Variants in DLGAP2 observed in about 807,000 individuals in gnomAD.
DLGAP2 encodes disks large-associated protein 2.
DLGAP2 carries 26 observed loss-of-function variants against 100.3 expected under a neutral mutation model. That is an observed-to-expected ratio of 0.26 (90% CI 0.19 to 0.36). The LOEUF (loss-of-function observed/expected upper bound fraction) is 0.36, where lower values mean the gene tolerates loss of function less well. Among genes scored for constraint, DLGAP2 ranks in the 10% least tolerant of loss-of-function variants. The probability of loss-of-function intolerance (pLI) is 1.00; values close to 1 mark genes in which losing one functional copy is unlikely to be tolerated. For synonymous variants in DLGAP2, 886 were observed against 630.1 expected, an observed-to-expected ratio of 1.41 and a Z score of -6.08; for missense variants, 1,858 against 1,453.2, an observed-to-expected ratio of 1.28 and a Z score of -4.53.
At chr8:1,224,827 A>T (rs1167855237) in intron 2 of DLGAP2, among the ~76,000 whole-genome samples, 1 of 152,232 alleles carries the variant, frequency 6.6e-6, no homozygotes, top group African/African-American at 2.4e-5. Context: ...CAAGCACGTG[A>T]TAAGATGCTT....
chr8:936,785 C>T (rs1476234070), intron 2 of DLGAP2, among the ~76,000 whole-genome samples: 2 of 152,078 alleles, frequency 1.3e-5, no homozygotes, highest in African/African-American at 4.8e-5. Context: ...TGCAGATGCC[C>T]GGGAAGTTGG....
At chr8:1,287,119 G>C (rs1284814407) in intron 3 of DLGAP2, among the ~76,000 whole-genome samples, 1 of 149,366 alleles carries the variant, frequency 6.7e-6, no homozygotes. Flanking sequence ...AGGGGAACTA[G>C]TTTCGGTTCA....
chr8:1,477,482 T>G (rs1325617636), intron 3 of DLGAP2, among the ~76,000 whole-genome samples: 2 of 152,168 alleles, frequency 1.3e-5, no homozygotes, highest in African/African-American at 2.4e-5. Flanking sequence ...GGCCTTAACT[T>G]TGAGGAACCT....
At chr8:1,051,271 C>G (rs1802701832) in intron 2 of DLGAP2, among the ~76,000 whole-genome samples, 1 of 152,132 alleles carries the variant, frequency 6.6e-6, no homozygotes, top group Non-Finnish European at 1.5e-5. Flanking sequence ...AACCCAGGCT[C>G]TCTGGATGGA....
At chr8:919,004 G>A (rs961737862) in intron 2 of DLGAP2, among the ~76,000 whole-genome samples, 4 of 152,160 alleles carry the variant, frequency 2.6e-5, no homozygotes, top group East Asian at 1.9e-4. Flanking sequence ...GCAGTGGTGC[G>A]ATCAGAACTC....
chr8:1,417,378 G>A (rs1224688246), intron 3 of DLGAP2, among the ~76,000 whole-genome samples: 1 of 152,194 alleles, frequency 6.6e-6, no homozygotes, highest in Non-Finnish European at 1.5e-5. Context: ...CACTGTCACT[G>A]CTTTTATCCT....
At chr8:1,641,567 T>C (rs1797899579) in intron 8 of DLGAP2, among the ~76,000 whole-genome samples, 2 of 152,176 alleles carry the variant, frequency 1.3e-5, no homozygotes, top group African/African-American at 4.8e-5. Flanking sequence ...GCTCTTGCAG[T>C]TGACAACGAT....
intron 6 of DLGAP2, among the ~76,000 whole-genome samples, chr8:1,598,672 C>G (rs1194225153): frequency 6.6e-6 from 1 of 152,120 alleles, no homozygotes; most frequent in Admixed American, 6.5e-5. Context: ...ATAGTGTTCT[C>G]TGATTGTAGT....
At chr8:1,235,266 C>G (rs1329085714) in intron 2 of DLGAP2, among the ~76,000 whole-genome samples, 1 of 147,392 alleles carries the variant, frequency 6.8e-6, no homozygotes, top group Non-Finnish European at 1.5e-5. Context: ...GTGTCTAGTT[C>G]TCTCTCACAT....
At chr8:1,481,597 G>C (rs906223864) in intron 3 of DLGAP2, among the ~76,000 whole-genome samples, 3 of 145,852 alleles carry the variant, frequency 2.1e-5, no homozygotes, top group African/African-American at 7.6e-5. Context: ...TACTGCCTCA[G>C]CCTCCTGAAT....
intron 1 of DLGAP2, among the ~76,000 whole-genome samples, chr8:814,742 A>T (rs1186846450): frequency 6.7e-6 from 1 of 150,216 alleles, no homozygotes; most frequent in African/African-American, 2.5e-5. Context: ...AGTCCCAGCT[A>T]CTCGGGAGGC....
chr8:1,372,285 C>G (rs1236153869), intron 3 of DLGAP2, among the ~76,000 whole-genome samples: 2 of 152,098 alleles, frequency 1.3e-5, no homozygotes, highest in Middle Eastern at 6.8e-3. Flanking sequence ...GGACGCTGGT[C>G]ACCGTGCTGC....
At chr8:781,610 G>A (rs758587826) in intron 1 of DLGAP2, among the ~76,000 whole-genome samples, 7 of 152,158 alleles carry the variant, frequency 4.6e-5, no homozygotes, top group Admixed American at 1.3e-4. Flanking sequence ...GGGTGGTGGG[G>A]AGCGCTGAGC....
At chr8:766,110 T>G (rs1240769792) in intron 1 of DLGAP2, among the ~76,000 whole-genome samples, 3 of 152,134 alleles carry the variant, frequency 2.0e-5, no homozygotes, top group Non-Finnish European at 4.4e-5. Flanking sequence ...GAGGTTGTAG[T>G]GAGTCGAGAT....
At chr8:1,430,027 T>TATATATATACATATATATATATATATAC (rs1282725274) in intron 3 of DLGAP2, among the ~76,000 whole-genome samples, 2 of 76,888 alleles carry the variant, frequency 2.6e-5, no homozygotes, top group African/African-American at 9.9e-5. Context: ...TATATATATA[T>TATATATATACATATATATATATATATAC]ACACACACAC....
intron 1 of DLGAP2, chr8:883,493 C>A (rs1480269416): frequency 1.3e-5 from 2 of 151,596 alleles, no homozygotes; most frequent in African/African-American, 4.9e-5. Flanking sequence ...AATGCATATT[C>A]TTTTTTTTCC....
rs1796096042 is a variant in DLGAP2 at position 1,381,585 on chromosome 8, T to G, written c.107-119781T>G. On this transcript the variant is annotated intron_variant, in intron 3 of 14. Transcript: ENST00000637795. ...TTGGTTAGCATCTCCCCGTTCCGCT[T>G]TCCCTGGGCCCTGGCGCCCACTCTT... is the stretch of plus-strand genomic sequence containing the variant. Among the ~76,000 whole-genome samples, 5 of 152,160 alleles carry G rather than the reference T, an allele frequency of 3.3e-5. 1 individual carries two copies. In the South Asian group the frequency reaches 1.0e-3, roughly 32 times the overall value.
intron 3 of DLGAP2, among the ~76,000 whole-genome samples, chr8:1,499,505 A>T (rs151335517): frequency 1.3e-5 from 2 of 152,342 alleles, no homozygotes; most frequent in African/African-American, 4.8e-5. Flanking sequence ...GCTGTCCATC[A>T]TATTTCTACA....
chr8:1,496,308 G>A (rs1799544649), intron 3 of DLGAP2, among the ~76,000 whole-genome samples: 1 of 152,080 alleles, frequency 6.6e-6, no homozygotes, highest in South Asian at 2.1e-4. Flanking sequence ...GGCCTCGTGG[G>A]GGCGCCGAGA....
Sources: allele counts gnomAD v4.1 joint callset (sites outside exome capture counted in the v4.1 genomes callset), GRCh38; gene constraint gnomAD v4.1.1; transcripts MANE v1.5; gene names NCBI Gene and HGNC (gene_info 2026-07-23, HGNC 2026-07-21).